The following OXR1 variants were observed in gnomAD, a reference collection of about 807,000 sequenced individuals.
OXR1 encodes oxidation resistance 1.
Under a neutral mutation model 104.6 loss-of-function variants are expected in OXR1, and 41 were observed. The ratio of observed to expected loss-of-function variants is 0.39; its 90% confidence interval spans 0.31 to 0.51. The LOEUF is 0.51. Among genes scored for constraint, OXR1 ranks in the 20% least tolerant of loss-of-function variants. The probability of loss-of-function intolerance (pLI) is 0.77; values close to 1 mark genes in which losing one functional copy is unlikely to be tolerated. For synonymous variants in OXR1, 348 were observed against 348.4 expected (o/e 1.00, Z 0.01); for missense variants, 955 against 1,031.9 (o/e 0.93, Z 1.02).
intron 2 of OXR1, among the ~76,000 whole-genome samples, chr8:106,439,710 A>G (rs1421628645): frequency 1.3e-5 from 2 of 152,080 alleles, no homozygotes; most frequent in African/African-American, 4.8e-5. Context: ...GCTACCTGCT[A>G]GGAGATCGAG....
intron 10 of OXR1, among the ~76,000 whole-genome samples, chr8:106,712,016 G>C (rs1475925901): frequency 6.6e-6 from 1 of 152,044 alleles, no homozygotes; most frequent in Admixed American, 6.6e-5. Flanking sequence ...TATATCCATT[G>C]ATAGATTAAT....
chr8:106,626,986 G>A (rs546534895), intron 3 of OXR1, among the ~76,000 whole-genome samples: 14 of 151,698 alleles, frequency 9.2e-5, no homozygotes, highest in Admixed American at 4.6e-4. Flanking sequence ...ATTATGTTTC[G>A]ATGCTTTTCT....
chr8:106,483,187 C>T (rs2129766616), intron 2 of OXR1, among the ~76,000 whole-genome samples: 1 of 151,962 alleles, frequency 6.6e-6, no homozygotes, highest in South Asian at 2.1e-4. Context: ...CAAGCTTTGA[C>T]TTGAGGTTAT....
chr8:106,748,876 C>T (rs1835632407), intron 16 of OXR1, among the ~76,000 whole-genome samples: 1 of 151,924 alleles, frequency 6.6e-6, no homozygotes, highest in Non-Finnish European at 1.5e-5. Flanking sequence ...GGCCCCAACT[C>T]TTAAAGGAAC....
At chr8:106,666,619 A>G (rs1826361222) in intron 3 of OXR1, among the ~76,000 whole-genome samples, 1 of 152,186 alleles carries the variant, frequency 6.6e-6, no homozygotes, top group Non-Finnish European at 1.5e-5. Context: ...GAGTAGAGTA[A>G]GGATAGATGG....
At chr8:106,371,723 C>G (rs1263521652) in intron 2 of OXR1, among the ~76,000 whole-genome samples, 1 of 152,200 alleles carries the variant, frequency 6.6e-6, no homozygotes, top group Admixed American at 6.5e-5. Context: ...TTTCTTGATA[C>G]TGAGTTCTAC....
chr8:106,461,377 G>C (rs1820903385), intron 2 of OXR1, among the ~76,000 whole-genome samples: 1 of 152,022 alleles, frequency 6.6e-6, no homozygotes, highest in South Asian at 2.1e-4. Flanking sequence ...TTCGAGACCA[G>C]CCTGGCCAAC....
intron 16 of OXR1, among the ~76,000 whole-genome samples, chr8:106,746,372 C>A (rs1469119932): frequency 8.1e-5 from 2 of 24,776 alleles, no homozygotes; most frequent in African/African-American, 4.8e-4. Context: ...ATTGCAAGTA[C>A]TGTGAGGAGC....
At chr8:106,671,963 T>TATAATAATAATA (rs200351866) in intron 3 of OXR1, among the ~76,000 whole-genome samples, 7 of 136,432 alleles carry the variant, frequency 5.1e-5, no homozygotes, top group African/African-American at 1.4e-4. Flanking sequence ...GAACTTAAAG[T>TATAATAATAATA]ATAATAATAA....
intron 1 of OXR1, among the ~76,000 whole-genome samples, chr8:106,337,016 G>A (rs1005094065): frequency 1.3e-5 from 2 of 152,128 alleles, no homozygotes; most frequent in Non-Finnish European, 2.9e-5. Flanking sequence ...GTAACATCAA[G>A]CAGCTATGCT....
rs1825479840 is a variant in OXR1 at position 106,659,096 on chromosome 8, A to G, written c.221-20114A>G. ...GTGTAAAATCTGTTTATAACTCCAC[A>G]TCGTGCCAGTCATTTTATTTTAAAT... On this transcript the variant is annotated intron_variant, in intron 3 of 16. Coordinates refer to ENST00000517566, the MANE Select transcript of OXR1 (RefSeq NM_001198533.2). 1.3e-5 allele frequency among the ~76,000 whole-genome samples: 2 copies of G among 152,238 alleles called. 1 individual carries two copies. Among genetic ancestry groups the G allele is most frequent in the Non-Finnish European group, 2.9e-5 (2 of 68,050 alleles).
chr8:106,506,828 T>G (rs1812195883), intron 2 of OXR1, among the ~76,000 whole-genome samples: 2 of 152,076 alleles, frequency 1.3e-5, no homozygotes, highest in Non-Finnish European at 1.5e-5. Context: ...TGGTGGTTTA[T>G]GCCTCTAATC....
chr8:106,711,746 A>C (rs1347894017), intron 10 of OXR1, among the ~76,000 whole-genome samples: 1 of 152,082 alleles, frequency 6.6e-6, no homozygotes, highest in Non-Finnish European at 1.5e-5. Context: ...TTTCCTACAA[A>C]GGATGTGAAA....
intron 3 of OXR1, among the ~76,000 whole-genome samples, chr8:106,672,752 T>G (rs971601298): frequency 6.6e-6 from 1 of 152,094 alleles, no homozygotes; most frequent in Admixed American, 6.5e-5. Context: ...TCCCCCATGC[T>G]GTTCTTCTTG....
intron 11 of OXR1, among the ~76,000 whole-genome samples, chr8:106,725,301 A>T (rs925623100): frequency 4.8e-4 from 73 of 151,954 alleles, no homozygotes; most frequent in Non-Finnish European, 8.8e-4. Context: ...TTAGAAAGGT[A>T]GTGTGTGTGT....
intron 16 of OXR1, among the ~76,000 whole-genome samples, chr8:106,748,817 G>A (rs1379152976): frequency 6.6e-6 from 1 of 151,412 alleles, no homozygotes; most frequent in East Asian, 2.0e-4. Flanking sequence ...GGATCCACCA[G>A]CCTCAGCCTC....
At chr8:106,326,674 C>T (rs1814481834) in intron 1 of OXR1, among the ~76,000 whole-genome samples, 1 of 152,118 alleles carries the variant, frequency 6.6e-6, no homozygotes, top group African/African-American at 2.4e-5. Flanking sequence ...GGGCAAAGAG[C>T]ATTCCAGGCA....
At chr8:106,377,196 T>C (rs1322493027) in intron 2 of OXR1, among the ~76,000 whole-genome samples, 3 of 152,176 alleles carry the variant, frequency 2.0e-5, no homozygotes, top group Non-Finnish European at 4.4e-5. Flanking sequence ...CACTTTTCTT[T>C]TTTTTGAGAC....
chr8:106,560,914 A>T (rs1016661037), intron 3 of OXR1, among the ~76,000 whole-genome samples: 2 of 152,018 alleles, frequency 1.3e-5, no homozygotes, highest in Non-Finnish European at 2.9e-5. Flanking sequence ...GTGGTTGGGG[A>T]ACTCTCTCCC....
Sources: allele counts gnomAD v4.1 joint callset (sites outside exome capture counted in the v4.1 genomes callset), GRCh38; gene constraint gnomAD v4.1.1; transcripts MANE v1.5; gene names NCBI Gene and HGNC (gene_info 2026-07-23, HGNC 2026-07-21).